SDK1: variants seen among roughly 807,000 people sequenced by gnomAD.
The protein encoded by SDK1 is sidekick cell adhesion molecule 1, also known as protein sidekick-1.
In SDK1, 157 loss-of-function variants were observed where a neutral mutation model predicts 245.5. That is an observed-to-expected ratio of 0.64 (90% CI 0.56 to 0.73). The LOEUF is 0.73. Among genes scored for constraint, SDK1 ranks in the 30% least tolerant of loss-of-function variants. The pLI, the probability that SDK1 is intolerant of heterozygous loss-of-function variation, is 0.00. For synonymous variants in SDK1, 1,647 were observed against 1,278.5 expected (o/e 1.29, Z -6.15); for missense variants, 3,583 against 3,002.3 (o/e 1.19, Z -4.52).
At chr7:3,858,457 A>G (rs771870717) in intron 5 of SDK1, among the ~76,000 whole-genome samples, 15 of 149,662 alleles carry the variant, frequency 1.0e-4, no homozygotes, top group Admixed American at 6.6e-4. Flanking sequence ...AGTGAATTCA[A>G]AAAATACCCA....
In SDK1 at chr7:3,880,870, A is replaced by T. The variant is rs111852783; in HGVS notation, c.847+59287A>T. ...AGCACTTGTTAGGAAATCTTTATGT[A>T]GCATGGGTCACTTACCCTGGTGAAG... On this transcript the variant is annotated intron_variant, in intron 5 of 44. Transcript: ENST00000404826. Among the ~76,000 whole-genome samples, 1,321 of 152,202 alleles carry T rather than the reference A, an allele frequency of 8.7e-3. 25 individuals are homozygous for T. Among genetic ancestry groups the T allele is most frequent in the African/African-American group, 0.03 (1,242 of 41,530 alleles).
At chr7:3,841,210 A>T (rs866056193) in intron 5 of SDK1, among the ~76,000 whole-genome samples, 1 of 152,166 alleles carries the variant, frequency 6.6e-6, no homozygotes, top group Non-Finnish European at 1.5e-5. Flanking sequence ...GTATCAGGTG[A>T]TCCAGAAGGC....
At chr7:3,468,468 C>A (rs1781080017) in intron 1 of SDK1, among the ~76,000 whole-genome samples, 1 of 152,136 alleles carries the variant, frequency 6.6e-6, no homozygotes, top group Admixed American at 6.5e-5. Context: ...ATCATAGAAA[C>A]CAGAACCCCT....
intron 35 of SDK1, among the ~76,000 whole-genome samples, chr7:4,192,433 G>A (rs938053289): frequency 7.9e-5 from 12 of 152,050 alleles, no homozygotes; most frequent in Non-Finnish European, 1.8e-4. Context: ...CCGCCACCAC[G>A]CCCAGCTAAT....
intron 5 of SDK1, among the ~76,000 whole-genome samples, chr7:3,824,420 T>C (rs1332563609): frequency 1.3e-5 from 2 of 152,222 alleles, no homozygotes; most frequent in Non-Finnish European, 2.9e-5. Context: ...AACCTTTATG[T>C]AGTGAACACC....
intron 22 of SDK1, among the ~76,000 whole-genome samples, chr7:4,093,680 G>A (rs1014305962): frequency 2.8e-4 from 43 of 152,294 alleles, no homozygotes; most frequent in African/African-American, 1.0e-3. Context: ...CGGCGGCGTC[G>A]ACAGCGACAG....
At chr7:3,413,108 C>T (rs955215344) in intron 1 of SDK1, among the ~76,000 whole-genome samples, 1 of 152,088 alleles carries the variant, frequency 6.6e-6, no homozygotes, top group African/African-American at 2.4e-5. Flanking sequence ...GGAAGGCCCC[C>T]TGAGGAAGTG....
chr7:4,153,842 A>G (rs1240931148), intron 30 of SDK1, among the ~76,000 whole-genome samples: 1 of 104,266 alleles, frequency 9.6e-6, no homozygotes, highest in Admixed American at 1.1e-4. Context: ...GTGCCTGGCT[A>G]ATGTTTAATT....
intron 1 of SDK1, among the ~76,000 whole-genome samples, chr7:3,319,903 C>G (rs1473890564): frequency 8.7e-5 from 4 of 45,940 alleles, no homozygotes; most frequent in Non-Finnish European, 4.5e-5. Context: ...TTTGCATTTG[C>G]TTTTCTGAAA....
intron 35 of SDK1, among the ~76,000 whole-genome samples, chr7:4,183,599 C>T (rs936978733): frequency 1.3e-5 from 2 of 150,464 alleles, no homozygotes; most frequent in Non-Finnish European, 3.0e-5. Context: ...CAAAATCGCA[C>T]CACTGCACTC....
chr7:3,927,426 A>T (rs890345967), intron 5 of SDK1, among the ~76,000 whole-genome samples: 8 of 152,154 alleles, frequency 5.3e-5, no homozygotes, highest in African/African-American at 1.9e-4. Context: ...TGTTCTCACA[A>T]CAACTCTGGA....
At chr7:3,852,608 G>A (rs146441854) in intron 5 of SDK1, among the ~76,000 whole-genome samples, 2,109 of 151,340 alleles carry the variant, frequency 0.014, 54 homozygotes, top group African/African-American at 0.049. Flanking sequence ...AAAATTAGCC[G>A]GGCTTGGTGG....
intron 1 of SDK1, among the ~76,000 whole-genome samples, chr7:3,360,497 C>T (rs1271803437): frequency 5.9e-5 from 9 of 152,216 alleles, no homozygotes; most frequent in East Asian, 3.9e-4. Flanking sequence ...TGTTTGTGGG[C>T]GGAGTGGATT....
chr7:3,788,811 C>A (rs758623255), intron 4 of SDK1, among the ~76,000 whole-genome samples: 33 of 152,338 alleles, frequency 2.2e-4, no homozygotes, highest in Non-Finnish European at 3.4e-4. Context: ...CAAAAAGCAT[C>A]ATTCGCCCTT....
chr7:4,199,365 A>G (rs1783760918), intron 35 of SDK1, among the ~76,000 whole-genome samples: 1 of 152,220 alleles, frequency 6.6e-6, no homozygotes, highest in Non-Finnish European at 1.5e-5. Flanking sequence ...AACTTTGTTT[A>G]TCATAACAGT....
At chr7:3,966,710 A>C (rs1440446581) in intron 9 of SDK1, among the ~76,000 whole-genome samples, 1 of 151,932 alleles carries the variant, frequency 6.6e-6, no homozygotes, top group Non-Finnish European at 1.5e-5. Flanking sequence ...TTTTGAGATA[A>C]GGTCTCACTC....
intron 44 of SDK1, among the ~76,000 whole-genome samples, chr7:4,264,240 A>G (rs1583204596): frequency 6.0e-5 from 3 of 50,324 alleles, no homozygotes; most frequent in African/African-American, 1.7e-4. Context: ...CTGAGTGGGG[A>G]GGCCGCGTAG....
At chr7:3,504,114 C>T (rs1417820736) in intron 1 of SDK1, among the ~76,000 whole-genome samples, 1 of 151,280 alleles carries the variant, frequency 6.6e-6, no homozygotes, top group Non-Finnish European at 1.5e-5. Flanking sequence ...CGCGCCATTG[C>T]ACTCCAGCCT....
At position 3,963,984 on chromosome 7, in the gene SDK1, G is replaced by A. The variant is rs188726230; in HGVS notation, c.1429+1133G>A. 2.0e-3 allele frequency among the ~76,000 whole-genome samples: 299 copies of A among 152,006 alleles called. 1 individual carries two copies. The highest frequency in any genetic ancestry group is 6.7e-3 in the African/African-American group (277 of 41,458). ...AGATGTATCCAGTGGGTACACCCAC[G>A]CCCACGGCTACCCGGATGTATCCAG... On this transcript the variant is annotated intron_variant, in intron 9 of 44. Coordinates refer to ENST00000404826, the MANE Select transcript of SDK1 (RefSeq NM_152744.4).
Sources: allele counts gnomAD v4.1 joint callset (sites outside exome capture counted in the v4.1 genomes callset), GRCh38; gene constraint gnomAD v4.1.1; transcripts MANE v1.5; gene names NCBI Gene and HGNC (gene_info 2026-07-23, HGNC 2026-07-21).